NR4A1: variants seen among roughly 807,000 people sequenced by gnomAD.
The protein encoded by NR4A1 is nuclear receptor subfamily 4immunitygroup A member 1.
Under a neutral mutation model 47.5 loss-of-function variants are expected in NR4A1, and 24 were observed. The observed-to-expected ratio is 0.50, with a 90% confidence interval of 0.37 to 0.71. NR4A1 has a LOEUF of 0.71. Among genes scored for constraint, NR4A1 ranks in the 30% least tolerant of loss-of-function variants. The pLI, the probability that NR4A1 is intolerant of heterozygous loss-of-function variation, is 0.00. For missense variants in NR4A1, 669 were observed against 788.6 expected (o/e 0.85, Z 1.82); for synonymous variants, 353 against 345.7 (o/e 1.02, Z -0.24).
intron 2 of NR4A1, chr12:52,055,505 G>A: frequency 1.7e-6 from 1 of 573,590 alleles, no homozygotes; most frequent in Non-Finnish European, 3.1e-6. Context: ...CTGCTCCTCT[G>A]CCTGTCCTCT....
At chr12:52,041,996 G>C in intron 2 of NR4A1, 1 of 1,259,454 alleles carries the variant, frequency 7.9e-7, no homozygotes, top group Non-Finnish European at 1.0e-6. Flanking sequence ...AGAGGTGGGG[G>C]TGGAGCTGCC....
chr12:52,051,050 T>C (rs1938899250), upstream of NR4A1, among the ~76,000 whole-genome samples: 1 of 152,120 alleles, frequency 6.6e-6, no homozygotes, highest in East Asian at 1.9e-4. Flanking sequence ...GCGCCCCTTC[T>C]CGGGCTCTGG....
Position 52,059,158 on chromosome 12 carries a change from A to G in NR4A1, c.*214A>G. ...CCCCACGATTTGTCTTATCCCCCCC[A>G]GCCTGGCCCCGGCCTTTATGTTTTT... On this transcript the variant is annotated 3_prime_UTR_variant, in exon 7 of 7. Coordinates refer to ENST00000394825, the MANE Select transcript of NR4A1 (RefSeq NM_173157.3). 1.6e-6 allele frequency: 1 copy of G among 610,528 alleles called. No individual in the cohort carries two copies. Among genetic ancestry groups the G allele is most frequent in the Admixed American group, 3.3e-5 (1 of 29,960 alleles). The allele number at this position is 610,528 out of a possible 1,614,324, so 37.8% of individuals were successfully genotyped here. A position where few individuals can be genotyped will look rare whatever the true frequency, so the allele number is the denominator to read the frequency against.
upstream of NR4A1, among the ~76,000 whole-genome samples, chr12:52,049,906 T>C (rs1938838964): frequency 6.6e-6 from 1 of 151,466 alleles, no homozygotes; most frequent in African/African-American, 2.4e-5. Flanking sequence ...TGATGGGGGT[T>C]GAGGGTGGAA....
intron 1 of NR4A1, among the ~76,000 whole-genome samples, chr12:52,029,493 G>A (rs1303412054): frequency 6.6e-6 from 1 of 152,130 alleles, no homozygotes; most frequent in Non-Finnish European, 1.5e-5. Flanking sequence ...TTTGAGACCA[G>A]CCTGGGCAAC....
chr12:52,030,649 G>A (rs369993597), intron 1 of NR4A1, among the ~76,000 whole-genome samples: 1 of 152,064 alleles, frequency 6.6e-6, no homozygotes, highest in Admixed American at 6.5e-5. Flanking sequence ...GTCTGGTCTC[G>A]AACTCCTGAC....
intron 1 of NR4A1, chr12:52,037,436 G>T: frequency 1.0e-6 from 1 of 986,110 alleles, no homozygotes; most frequent in Non-Finnish European, 1.2e-6. Context: ...CGGAGCCCGC[G>T]GGGCCAGGTG....
intron 1 of NR4A1, among the ~76,000 whole-genome samples, chr12:52,032,977 C>T (rs1049773428): frequency 2.6e-5 from 4 of 152,222 alleles, no homozygotes; most frequent in Non-Finnish European, 5.9e-5. Context: ...TGCAGCAGAC[C>T]CGAAGGAAGC....
intron 1 of NR4A1, among the ~76,000 whole-genome samples, chr12:52,025,099 G>A (rs1170204459): frequency 1.4e-5 from 2 of 141,498 alleles, no homozygotes; most frequent in African/African-American, 5.3e-5. Flanking sequence ...TCTCTCTGTC[G>A]CCCAGGCTGG....
chr12:52,053,116 T>C (rs1253271576), intron 1 of NR4A1, among the ~76,000 whole-genome samples: 1 of 152,136 alleles, frequency 6.6e-6, no homozygotes, highest in African/African-American at 2.4e-5. Flanking sequence ...GCTTCCCTCA[T>C]TGACTGGTGA....
chr12:52,041,543 G>A (rs919554542), intron 1 of NR4A1, among the ~76,000 whole-genome samples: 3 of 152,176 alleles, frequency 2.0e-5, no homozygotes, highest in Admixed American at 6.5e-5. Flanking sequence ...GTTGCTAGAT[G>A]CTGATGTGTC....
At chr12:52,049,551 TG>T (rs1181441831), upstream of NR4A1, among the ~76,000 whole-genome samples, 1 of 152,144 alleles carries the variant, frequency 6.6e-6, no homozygotes, top group African/African-American at 2.4e-5. Flanking sequence ...CCCAGCACTT[TG>T]GGAAGCCAAG....
Position 52,054,595 on chromosome 12 carries a change from CTCG to C in NR4A1, c.270_272del (p.Ser92del). ...CCTCCTCCTCGGCCTCCTCCACATCCTCGTCCTCAGCCACCTCCCCTGCCTCTG... is the reference window on the plus strand; with the variant it reads ...CCTCCTCCTCGGCCTCCTCCACATCCTCCTCAGCCACCTCCCCTGCCTCTG... On this transcript the variant is annotated inframe_deletion, in exon 2 of 7. Coordinates refer to ENST00000394825, the MANE Select transcript of NR4A1 (RefSeq NM_173157.3). 1 of 1,614,170 alleles carries C rather than the reference CTCG, an allele frequency of 6.2e-7. No homozygotes were observed. Among genetic ancestry groups the C allele is most frequent in the African/African-American group, 1.3e-5 (1 of 75,048 alleles).
intron 2 of NR4A1, chr12:52,041,980 G>C (rs1938458283): frequency 7.8e-7 from 1 of 1,282,148 alleles, no homozygotes; most frequent in Non-Finnish European, 9.9e-7. Flanking sequence ...GGTGGGGTTG[G>C]GGGGCAGAGG....
At chr12:52,031,168 C>T (rs1336924736) in intron 1 of NR4A1, among the ~76,000 whole-genome samples, 2 of 152,070 alleles carry the variant, frequency 1.3e-5, no homozygotes, top group Non-Finnish European at 2.9e-5. Flanking sequence ...TCCCGTAACA[C>T]CAAGCAGGCT....
intron 1 of NR4A1, chr12:52,038,676 G>A: frequency 1.3e-6 from 1 of 761,314 alleles, no homozygotes; most frequent in Non-Finnish European, 2.4e-6. Flanking sequence ...AAGGAAGTCA[G>A]CTGACTCCGT....
intron 1 of NR4A1, among the ~76,000 whole-genome samples, chr12:52,041,166 C>T (rs1030591629): frequency 6.6e-6 from 1 of 152,156 alleles, no homozygotes; most frequent in African/African-American, 2.4e-5. Flanking sequence ...CAGCACTGTC[C>T]TTAAGTCTTT....
intron 1 of NR4A1, among the ~76,000 whole-genome samples, chr12:52,040,804 C>G (rs957062923): frequency 6.6e-6 from 1 of 152,196 alleles, no homozygotes; most frequent in African/African-American, 2.4e-5. Flanking sequence ...CCTCCTAGCT[C>G]CCATCATCTC....
chr12:52,043,815 CA>C, intron 2 of NR4A1: 1 of 1,288,632 alleles, frequency 7.8e-7, no homozygotes, highest in Non-Finnish European at 1.0e-6. Context: ...TCCCTGAGAC[CA>C]CCAGGAAGAG....
Sources: gnomAD v4.1 joint callset for allele counts (sites outside exome capture counted in the v4.1 genomes callset) on GRCh38, gnomAD v4.1.1 for gene constraint, MANE v1.5 for transcripts, NCBI Gene and HGNC (gene_info 2026-07-23, HGNC 2026-07-21) for gene names.